The following NALF1 variants were observed in gnomAD, a reference collection of about 807,000 sequenced individuals.
NALF1 encodes the protein family with sequence similarity 155 member A.
Under a neutral mutation model 48.4 loss-of-function variants are expected in NALF1, and 3 were observed. That is an observed-to-expected ratio of 0.06 (90% confidence interval 0.03 to 0.16). The LOEUF (loss-of-function observed/expected upper bound fraction) is 0.16. Among genes scored for constraint, NALF1 ranks in the 10% least tolerant of loss-of-function variants. NALF1 has a pLI of 1.00. For missense variants in NALF1, 526 were observed against 571.5 expected (o/e 0.92, Z 0.81); for synonymous variants, 262 against 245.7 (o/e 1.07, Z -0.62).
At chr13:107,458,601 TA>T (rs1283707279) in intron 1 of NALF1, among the ~76,000 whole-genome samples, 1 of 152,166 alleles carries the variant, frequency 6.6e-6, no homozygotes, top group African/African-American at 2.4e-5. Context: ...AAGGTGAGGT[TA>T]AACAGGAAGA....
Position 107,648,326 on chromosome 13 carries a change from C to T in NALF1, c.915+217356G>A, listed in dbSNP as rs144104878. ...TTCACTGTCATAAACATCCTTTGTG[C>T]TCCACCTGTCAATCCCTCTTCTCCC... is the stretch of plus-strand genomic sequence containing the variant. On this transcript the variant is annotated intron_variant, in intron 1 of 2. Transcript: ENST00000375915. Among the ~76,000 whole-genome samples, 197 of 152,236 alleles carry T rather than the reference C, an allele frequency of 1.3e-3. 1 individual carries two copies. The highest frequency in any genetic ancestry group is 1.9e-3 in the Non-Finnish European group (128 of 68,012).
chr13:107,486,659 G>C (rs1885334643), intron 1 of NALF1, among the ~76,000 whole-genome samples: 1 of 152,124 alleles, frequency 6.6e-6, no homozygotes, highest in Non-Finnish European at 1.5e-5. Context: ...GGCACACAAG[G>C]TGACAAAAGG....
At chr13:107,822,703 C>T (rs1397095342) in intron 1 of NALF1, among the ~76,000 whole-genome samples, 5 of 152,132 alleles carry the variant, frequency 3.3e-5, no homozygotes, top group South Asian at 2.1e-4. Context: ...TTTATTCTAG[C>T]ACTAACGTGA....
chr13:107,672,106 G>A (rs544409938), intron 1 of NALF1, among the ~76,000 whole-genome samples: 53 of 152,178 alleles, frequency 3.5e-4, no homozygotes, highest in African/African-American at 1.3e-3. Context: ...TGGACACTCC[G>A]GGGTCCGCAT....
chr13:107,453,941 C>T (rs898044675), intron 1 of NALF1, among the ~76,000 whole-genome samples: 8 of 152,174 alleles, frequency 5.3e-5, no homozygotes, highest in Admixed American at 2.6e-4. Flanking sequence ...ATCTCTAGAA[C>T]AAGGGCAAAA....
chr13:107,326,681 T>C (rs868734985), intron 1 of NALF1, among the ~76,000 whole-genome samples: 1 of 152,214 alleles, frequency 6.6e-6, no homozygotes, highest in Non-Finnish European at 1.5e-5. Flanking sequence ...GTGAATTGTC[T>C]ACAGAATACT....
At chr13:107,705,548 T>G (rs1034644293) in intron 1 of NALF1, among the ~76,000 whole-genome samples, 1 of 152,004 alleles carries the variant, frequency 6.6e-6, no homozygotes, top group African/African-American at 2.4e-5. Flanking sequence ...GTCCAAGTTT[T>G]ACCATGCTTA....
intron 1 of NALF1, among the ~76,000 whole-genome samples, chr13:107,230,286 G>GA: frequency 6.6e-6 from 1 of 151,820 alleles, no homozygotes; most frequent in Non-Finnish European, 1.5e-5. Context: ...TAAACAGGAA[G>GA]AAAAAAATGT....
intron 1 of NALF1, among the ~76,000 whole-genome samples, chr13:107,401,892 TTTAA>T (rs1193416608): frequency 1.3e-5 from 2 of 152,204 alleles, no homozygotes; most frequent in Non-Finnish European, 2.9e-5. Context: ...TTGCTAATTA[TTTAA>T]TTATTTATTG....
At chr13:107,845,958 C>T (rs1880160250) in intron 1 of NALF1, among the ~76,000 whole-genome samples, 1 of 152,136 alleles carries the variant, frequency 6.6e-6, no homozygotes, top group Admixed American at 6.6e-5. Context: ...AATTCAAATA[C>T]ATATGAATAT....
chr13:107,378,634 C>T (rs1037048020), intron 1 of NALF1, among the ~76,000 whole-genome samples: 1 of 151,890 alleles, frequency 6.6e-6, no homozygotes, highest in Non-Finnish European at 1.5e-5. Flanking sequence ...TTTCAAGTGA[C>T]AAAACATTTA....
At chr13:107,836,664 A>G (rs1027836856) in intron 1 of NALF1, among the ~76,000 whole-genome samples, 2 of 152,200 alleles carry the variant, frequency 1.3e-5, no homozygotes, top group Non-Finnish European at 2.9e-5. Flanking sequence ...TATGAAGGGT[A>G]CTTAACAGTA....
At chr13:107,628,453 C>A (rs1594169807) in intron 1 of NALF1, among the ~76,000 whole-genome samples, 1 of 152,200 alleles carries the variant, frequency 6.6e-6, no homozygotes, top group East Asian at 1.9e-4. Flanking sequence ...GCTAATGGAT[C>A]TCCTGCTGTT....
chr13:107,236,671 G>GTCTGTCTA lies in NALF1; in HGVS notation c.916-25917_916-25916insTAGACAGA, dbSNP rs1430062997. On this transcript the variant is annotated intron_variant, in intron 1 of 2. Coordinates refer to ENST00000375915, the MANE Select transcript of NALF1 (RefSeq NM_001080396.3). ...GCACTATCTATCTATCCATCTGTCT[G>GTCTGTCTA]TCTATCTATCTATCTATCTATCTAT... is the stretch of plus-strand genomic sequence containing the variant. 2.5e-3 allele frequency among the ~76,000 whole-genome samples: 354 copies of GTCTGTCTA among 140,704 alleles called. 1 individual carries two copies. The highest frequency in any genetic ancestry group is 1.0e-2 in the East Asian group (46 of 4,606). 92.3% of individuals were successfully genotyped at this position (140,704 alleles called of 152,430 possible).
At chr13:107,654,509 A>G (rs1880527707) in intron 1 of NALF1, among the ~76,000 whole-genome samples, 1 of 152,076 alleles carries the variant, frequency 6.6e-6, no homozygotes, top group African/African-American at 2.4e-5. Flanking sequence ...AATAAAAAAA[A>G]TTGGTCAACA....
chr13:107,782,145 A>G (rs1376085404), intron 1 of NALF1, among the ~76,000 whole-genome samples: 1 of 151,538 alleles, frequency 6.6e-6, no homozygotes, highest in African/African-American at 2.4e-5. Context: ...GCTCACTGCA[A>G]CCTCCCTGCC....
At chr13:107,257,913 C>T (rs1403285134) in intron 1 of NALF1, among the ~76,000 whole-genome samples, 8 of 152,132 alleles carry the variant, frequency 5.3e-5, no homozygotes, top group Admixed American at 1.3e-4. Context: ...ACTCATGCTT[C>T]GCTAGAAGTA....
At chr13:107,819,954 C>G (rs1879316631) in intron 1 of NALF1, among the ~76,000 whole-genome samples, 1 of 152,122 alleles carries the variant, frequency 6.6e-6, no homozygotes, top group African/African-American at 2.4e-5. Context: ...AGTTTCTTCT[C>G]CAACGATGTA....
intron 1 of NALF1, among the ~76,000 whole-genome samples, chr13:107,244,796 G>T (rs1229390036): frequency 6.6e-6 from 1 of 152,148 alleles, no homozygotes; most frequent in East Asian, 1.9e-4. Flanking sequence ...AGGGTAAGTT[G>T]TTGTTATAAA....
Sources: gnomAD v4.1 joint callset for allele counts (sites outside exome capture counted in the v4.1 genomes callset) on GRCh38, gnomAD v4.1.1 for gene constraint, MANE v1.5 for transcripts, NCBI Gene and HGNC (gene_info 2026-07-23, HGNC 2026-07-21) for gene names.